The following AMZ1 variants were observed in gnomAD, a reference collection of about 807,000 sequenced individuals.
AMZ1 encodes archaelysin family metallopeptidase 1, also known as archaemetzincin-1.
AMZ1 carries 39 observed loss-of-function variants against 29.9 expected under a neutral mutation model. The ratio of observed to expected loss-of-function variants is 1.30; its 90% confidence interval spans 1.01 to 1.70. AMZ1 has a LOEUF of 1.70. Among genes scored for constraint, AMZ1 ranks in the 40% most tolerant of loss-of-function variants. The pLI is 0.00. For synonymous variants in AMZ1, 458 were observed against 304.0 expected (o/e 1.51, Z -5.27); for missense variants, 1,041 against 680.6 (o/e 1.53, Z -5.89).
chr7:2,695,411 T>C (rs977198302), intron 1 of AMZ1, among the ~76,000 whole-genome samples: 3 of 152,062 alleles, frequency 2.0e-5, no homozygotes, highest in African/African-American at 4.8e-5. Flanking sequence ...ATGGGAACCA[T>C]GATGCTTGAA....
At chr7:2,701,028 C>T (rs150760039) in intron 2 of AMZ1, among the ~76,000 whole-genome samples, 202 of 152,302 alleles carry the variant, frequency 1.3e-3, no homozygotes, top group African/African-American at 4.4e-3. Context: ...GTCCTGGCTA[C>T]GCCTGTTGAA....
chr7:2,691,962 G>T (rs1347483199), intron 1 of AMZ1, among the ~76,000 whole-genome samples: 1 of 152,176 alleles, frequency 6.6e-6, no homozygotes, highest in Non-Finnish European at 1.5e-5. Flanking sequence ...TTCTGAGCTG[G>T]CTGCGGCGCT....
chr7:2,749,074 T>C (rs1409909859), intron 4 of AMZ1, among the ~76,000 whole-genome samples: 7 of 152,154 alleles, frequency 4.6e-5, no homozygotes, highest in Non-Finnish European at 1.0e-4. Context: ...GACTGTAAAC[T>C]AGTTCAACCA....
upstream of AMZ1, chr7:2,762,444 C>T (rs1791605653): frequency 5.7e-6 from 3 of 521,786 alleles, no homozygotes; most frequent in African/African-American, 4.0e-5. Flanking sequence ...AAAAACGCTA[C>T]TTAACTCCAA....
At position 2,715,743 on chromosome 7, in the gene AMZ1, A is replaced by C. The variant is rs1789083851; in HGVS notation, c.*2865A>C. 1 of 152,258 alleles carries C rather than the reference A, an allele frequency of 6.6e-6. No individual in the cohort carries two copies. The highest frequency in any genetic ancestry group is 6.5e-5 in the Admixed American group (1 of 15,288). The allele number at this position is 152,258 out of a possible 1,614,324, so 9.4% of individuals were successfully genotyped here. On this transcript the variant is annotated 3_prime_UTR_variant, in exon 7 of 7. Coordinates refer to ENST00000683327, the MANE Select transcript of AMZ1 (RefSeq NM_001384743.1). ...CCAGGTTCTGTCTGTGCTGTGGTGA[A>C]GAGTGACTTGGGACAGTCACCAGGA... is the stretch of plus-strand genomic sequence containing the variant.
upstream of AMZ1, among the ~76,000 whole-genome samples, chr7:2,687,551 C>T (rs1787129533): frequency 6.6e-6 from 1 of 152,244 alleles, no homozygotes; most frequent in Non-Finnish European, 1.5e-5. Context: ...CCGGCCTTCA[C>T]GGCATCCTTC....
intron 4 of AMZ1, among the ~76,000 whole-genome samples, chr7:2,751,386 T>G (rs1791029223): frequency 7.1e-6 from 1 of 140,162 alleles, no homozygotes; most frequent in Admixed American, 7.2e-5. Context: ...GCAAGACCGT[T>G]TCAAAGAAAA....
At chr7:2,690,688 G>A (rs1050707179) in intron 1 of AMZ1, among the ~76,000 whole-genome samples, 3 of 152,124 alleles carry the variant, frequency 2.0e-5, no homozygotes, top group African/African-American at 7.2e-5. Context: ...GCTCCTCTGT[G>A]CGTGTGCTCT....
downstream of AMZ1, among the ~76,000 whole-genome samples, chr7:2,720,774 C>T (rs887711760): frequency 6.6e-6 from 1 of 152,082 alleles, no homozygotes; most frequent in Non-Finnish European, 1.5e-5. Context: ...TGCCTGGGCT[C>T]AAGCGACTCT....
intron 1 of AMZ1, among the ~76,000 whole-genome samples, chr7:2,695,890 G>A (rs912744371): frequency 1.5e-4 from 23 of 151,648 alleles, no homozygotes; most frequent in East Asian, 2.0e-4. Flanking sequence ...GGCACCTGTA[G>A]TCCCAGCTAC....
At position 2,700,749 on chromosome 7, in the gene AMZ1, C is replaced by T. The variant is rs199863314; in HGVS notation, c.298C>T (p.Pro100Ser). 6 of 1,612,474 alleles carry T rather than the reference C, an allele frequency of 3.7e-6. No homozygotes were observed. In the East Asian group the frequency reaches 1.3e-4, roughly 36 times the overall value. The change falls in exon 2 of 7, where the codon CCG (proline) becomes TCG (serine). Residue 100 changes from proline (P) to serine (S), a missense_variant. Pro to Ser is a moderately conservative substitution (Grantham distance 74, BLOSUM62 -1). Transcript: ENST00000683327. The stretch of plus-strand genomic sequence containing the variant: ...GGCTCGGAAGCACATCTACCTACAG[C>T]CGATAGGTACGGGACGCCTGCAGCC... ...RLARKHIYLQ[P>S]IDLSEEPVGS...
intron 3 of AMZ1, among the ~76,000 whole-genome samples, chr7:2,705,512 C>A (rs959044364): frequency 1.3e-5 from 2 of 152,240 alleles, no homozygotes; most frequent in Admixed American, 1.3e-4. Context: ...CTCTACCGGC[C>A]ACCAAACCTT....
chr7:2,759,307 G>A (rs1247754491), intron 4 of AMZ1, among the ~76,000 whole-genome samples: 12 of 152,124 alleles, frequency 7.9e-5, no homozygotes, highest in Non-Finnish European at 1.6e-4. Flanking sequence ...AGGAAACAAA[G>A]CGCTAGCTGT....
At chr7:2,694,106 C>T (rs755967132) in intron 1 of AMZ1, among the ~76,000 whole-genome samples, 1 of 152,272 alleles carries the variant, frequency 6.6e-6, no homozygotes, top group East Asian at 1.9e-4. Context: ...CGTTCCTGGG[C>T]GTGTCTGTGA....
rs1180040657 is a variant in AMZ1 at position 2,717,521 on chromosome 7, T to C, written c.*4643T>C. Among the ~76,000 whole-genome samples, 3 of 152,348 alleles carry C rather than the reference T, an allele frequency of 2.0e-5. No individual in the cohort carries two copies. The highest frequency in any genetic ancestry group is 4.8e-5 in the African/African-American group (2 of 41,584). On this transcript the variant is annotated 3_prime_UTR_variant, in exon 7 of 7. Transcript: ENST00000683327. ...CTGCTCCAGAGCTGAAATCTAGCTG[T>C]GATCCCTGTGGGGCAACTGCACACA...
At position 2,698,822 on chromosome 7, in the gene AMZ1, C is replaced by T. The variant is rs986977133; in HGVS notation, c.-218-1412C>T. On this transcript the variant is annotated intron_variant, in intron 1 of 6. Coordinates refer to ENST00000683327, the MANE Select transcript of AMZ1 (RefSeq NM_001384743.1). ...CTGCACTCCAGCCTGGACGAAACAG[C>T]GAGACCCTATCTCTAAAAAAGAAAT... Among the ~76,000 whole-genome samples the T allele has an allele frequency of 2.0e-4, 30 of 152,238 alleles. No homozygotes were observed. In the Middle Eastern group the frequency reaches 0.014, roughly 69 times the overall value.
chr7:2,689,262 G>A (rs1278793290), intron 1 of AMZ1, among the ~76,000 whole-genome samples: 2 of 152,232 alleles, frequency 1.3e-5, no homozygotes, highest in African/African-American at 2.4e-5. Flanking sequence ...TGGTCAGATG[G>A]GGGAGCATGA....
chr7:2,727,887 C>G (rs1050965753), intron 4 of AMZ1, among the ~76,000 whole-genome samples: 1 of 151,614 alleles, frequency 6.6e-6, no homozygotes, highest in East Asian at 1.9e-4. Context: ...GAAACCCTGT[C>G]TCTACTAAAA....
downstream of AMZ1, among the ~76,000 whole-genome samples, chr7:2,721,788 G>T (rs1280594462): frequency 6.6e-6 from 1 of 151,916 alleles, no homozygotes; most frequent in African/African-American, 2.4e-5. Context: ...AGTGGCGGGG[G>T]AGGCAGGGAC....
Sources: gnomAD v4.1 joint callset for allele counts (sites outside exome capture counted in the v4.1 genomes callset) on GRCh38, gnomAD v4.1.1 for gene constraint, MANE v1.5 for transcripts, NCBI Gene and HGNC (gene_info 2026-07-23, HGNC 2026-07-21) for gene names.